FBN3: variants seen among roughly 807,000 people sequenced by gnomAD.
FBN3 encodes fibrillin-3.
A neutral mutation model predicts 330.1 loss-of-function variants in FBN3; 234 were observed. The ratio of observed to expected loss-of-function variants is 0.71; its 90% CI spans 0.64 to 0.79. The LOEUF (loss-of-function observed/expected upper bound fraction) is 0.79, where lower values mean the gene tolerates loss of function less well. Among genes scored for constraint, FBN3 ranks in the 30% least tolerant of loss-of-function variants. FBN3 has a pLI of 0.00. For synonymous variants in FBN3, 1,458 were observed against 1,517.3 expected (o/e 0.96, Z 0.91); for missense variants, 3,606 against 3,886.9 (o/e 0.93, Z 1.92).
chr19:8,109,209 T>C lies in FBN3; in HGVS notation c.4618+18A>G, dbSNP rs1366062401. 6.2e-7 allele frequency: 1 copy of C among 1,612,258 alleles called. No individual in the cohort carries two copies. The highest frequency in any genetic ancestry group is 1.7e-5 in the Admixed American group (1 of 59,946). ...GGTGGCTTAGGTCACGGTGTTCAAC[T>C]GCCCCGCAGGGACTCACTGGTGTTG... On this transcript the variant is annotated intron_variant, in intron 36 of 63. Transcript: ENST00000600128. The surrounding 1 kb of genome is among the most constrained non-coding windows in gnomAD (Gnocchi z 5.2).
chr19:8,137,357 C>T (rs1463269261), intron 10 of FBN3, among the ~76,000 whole-genome samples: 3 of 149,968 alleles, frequency 2.0e-5, no homozygotes, highest in Middle Eastern at 3.2e-3. Flanking sequence ...TTAGATCCCT[C>T]CAACCTGGAG....
chr19:8,086,657 G>A lies in FBN3; in HGVS notation c.6755-332C>T, dbSNP rs142009632. ...TTTTTTTTGTATTTTTAGTAGAGAC[G>A]GGGTTTCGCCGTGTTGTCCACCCTG... On this transcript the variant is annotated intron_variant, in intron 54 of 63. Transcript: ENST00000600128. Among the ~76,000 whole-genome samples, 1,387 of 148,610 alleles carry A rather than the reference G, an allele frequency of 9.3e-3. 19 individuals carry two copies. Among genetic ancestry groups the A allele is most frequent in the African/African-American group, 0.032 (1,307 of 40,486 alleles).
In FBN3 at chr19:8,131,811, G is replaced by C; in HGVS notation, c.1733C>G (p.Thr578Arg). Residue 578 changes from threonine (T) to arginine (R), a missense_variant, in exon 15 of 64, where the codon ACG (threonine) becomes AGG (arginine). Coordinates refer to ENST00000600128, the MANE Select transcript of FBN3 (RefSeq NM_032447.5). The surrounding 1 kb of genome is among the most constrained non-coding windows in gnomAD (Gnocchi z 4.5). ...HYCMDIDECQTPGICVNGHCT... is the reference protein window; with the variant it reads ...HYCMDIDECQRPGICVNGHCT... ...GTGGCCGTTCACGCAGATGCCGGGC[G>C]TCTGGCACTCGTCAATGTCTGCAGA... is the stretch of plus-strand genomic sequence containing the variant. 1 of 1,598,470 alleles carries C rather than the reference G, an allele frequency of 6.3e-7. No individual in the cohort carries two copies. Among genetic ancestry groups the C allele is most frequent in the Admixed American group, 1.7e-5 (1 of 59,434 alleles).
chr19:8,129,124 G>A lies in FBN3; in HGVS notation c.2200C>T (p.Leu734=), dbSNP rs1054830299. 3.1e-6 allele frequency: 5 copies of A among 1,613,132 alleles called. No homozygotes were observed. The Admixed American group carries it at 6.7e-5, about 22-fold the overall frequency. ...TTCTGGCACCACCCGTTGTCACACA[G>A]GAGGCTGTTGAGGGCACACTCATCC... is the stretch of plus-strand genomic sequence containing the variant. ...DVDECALNSL[L]CDNGWCQNSP... Residue 734 remains leucine, a synonymous_variant, in exon 18 of 64, where the codon CTG becomes TTG. Coordinates refer to ENST00000600128, the MANE Select transcript of FBN3 (RefSeq NM_032447.5). The surrounding 1 kb of genome is among the most constrained non-coding windows in gnomAD (Gnocchi z 4.5).
rs2082904060 is a variant in FBN3, at chr19:8,123,511, G to C, written c.3035C>G (p.Ala1012Gly). 1 of 1,614,054 alleles carries C rather than the reference G, an allele frequency of 6.2e-7. No individual in the cohort carries two copies. The highest frequency in any genetic ancestry group is 1.1e-5 in the South Asian group (1 of 91,080). Residue 1012 changes from alanine to glycine, a missense_variant, in exon 24 of 64, where the codon GCC becomes GGC. Coordinates refer to ENST00000600128, the MANE Select transcript of FBN3 (RefSeq NM_032447.5). ...CRNTVGSFHC[A>G]CAGGFALDAQ... is the part of the protein sequence containing the mutation. The stretch of plus-strand genomic sequence containing the variant: ...ATCCAGGGCGAAGCCCCCCGCACAG[G>C]CGCAGTGGAAGCTGCCCACCGTGTT...
intron 41 of FBN3, among the ~76,000 whole-genome samples, chr19:8,098,798 G>A (rs1374305159): frequency 6.6e-6 from 1 of 152,062 alleles, no homozygotes; most frequent in East Asian, 1.9e-4. Flanking sequence ...AACAATATAA[G>A]TGTCCATCCA....
chr19:8,142,179 C>A (rs1478175306), intron 6 of FBN3, 42 bp from the exon 7 acceptor site: 2 of 1,528,964 alleles, frequency 1.3e-6, no homozygotes, highest in East Asian at 2.4e-5. Flanking sequence ...GAGGGCTGCC[C>A]CTGTCTGGAG....
At chr19:8,086,468 A>ATTTTTT (rs373108511) in intron 54 of FBN3, 143 bp from the exon 55 acceptor site, 9 of 280,178 alleles carry the variant, frequency 3.2e-5, no homozygotes, top group Non-Finnish European at 5.5e-5. Flanking sequence ...TATTATTATT[A>ATTTTTT]TTTTTTGAGA....
chr19:8,093,832 C>A (rs1169484915), intron 47 of FBN3, among the ~76,000 whole-genome samples: 1 of 152,124 alleles, frequency 6.6e-6, no homozygotes, highest in Non-Finnish European at 1.5e-5. Flanking sequence ...AGAGCCCAGG[C>A]CAGACTGGTC....
At position 8,117,161 on chromosome 19, in the gene FBN3, C is replaced by T. The variant is rs759161201; in HGVS notation, c.3586+8G>A. On this transcript the variant is annotated splice_region_variant and intron_variant, in intron 28 of 63. Coordinates refer to ENST00000600128, the MANE Select transcript of FBN3 (RefSeq NM_032447.5). Reference sequence around the variant, plus strand: ...ACCAGGCAGTGGGAAGAAGTTGTGCCCACCTACCTGCACATGCCCTTCCGT... The same window carrying T: ...ACCAGGCAGTGGGAAGAAGTTGTGCTCACCTACCTGCACATGCCCTTCCGT... The T allele has an allele frequency of 2.7e-5, 44 of 1,613,830 alleles. No homozygotes were observed. In the South Asian group the frequency reaches 4.7e-4, roughly 17 times the overall value.
Position 8,109,566 on chromosome 19 carries a change from G to A in FBN3, c.4456+65C>T. ...ACACGTTGACATCTGAGTTAACCCA[G>A]TGGGGCAATCCCACCCACCTCTGCT... On this transcript the variant is annotated intron_variant, in intron 35 of 63. Transcript: ENST00000600128. The surrounding 1 kb of genome is among the most constrained non-coding windows in gnomAD (Gnocchi z 5.2). 1 of 1,553,662 alleles carries A rather than the reference G, an allele frequency of 6.4e-7. No individual in the cohort carries two copies. The highest frequency in any genetic ancestry group is 8.7e-7 in the Non-Finnish European group (1 of 1,147,224).
Position 8,121,194 on chromosome 19 carries a change from T to C in FBN3, c.3211+64A>G. ...CACACAGCAACAGCCGTCCCCACCC[T>C]CCCTCTCCTCAATGCCCTCCCTGCC... On this transcript the variant is annotated intron_variant, in intron 25 of 63. Transcript: ENST00000600128. This position sits in a 1 kb window ranked among gnomAD's most constrained non-coding sequence, Gnocchi z 4.5. 2 of 878,332 alleles carry C rather than the reference T, an allele frequency of 2.3e-6. No homozygotes were observed. The highest frequency in any genetic ancestry group is 3.4e-6 in the Non-Finnish European group (2 of 587,620). The allele number at this position is 878,332 out of a possible 1,614,324, so 54.4% of individuals were successfully genotyped here.
In FBN3 at chr19:8,074,037, T is replaced by C. The variant is rs76243380; in HGVS notation, c.7703-740A>G. Among the ~76,000 whole-genome samples, 324 of 152,308 alleles carry C rather than the reference T, an allele frequency of 2.1e-3. 1 individual carries two copies. Among genetic ancestry groups the C allele is most frequent in the African/African-American group, 7.5e-3 (310 of 41,572 alleles). ...ACTATGGGGGTAAAATGGTCCTCTG[T>C]TGAGAACCTAGTTAGGGGTCTAATT... is the stretch of plus-strand genomic sequence containing the variant. On this transcript the variant is annotated intron_variant, in intron 61 of 63. Coordinates refer to ENST00000600128, the MANE Select transcript of FBN3 (RefSeq NM_032447.5).
chr19:8,107,781 T>C (rs1376310265), intron 37 of FBN3, among the ~76,000 whole-genome samples: 1 of 149,638 alleles, frequency 6.7e-6, no homozygotes, highest in Non-Finnish European at 1.5e-5. Flanking sequence ...TGTATGGATG[T>C]ACTGGATGGA....
intron 37 of FBN3, 30 bp downstream of exon 37, chr19:8,108,140 A>AGATGGATG: frequency 6.2e-7 from 1 of 1,600,858 alleles, no homozygotes; most frequent in Non-Finnish European, 8.5e-7. Context: ...CTAGGCAGAC[A>AGATGGATG]GATGGATGGA....
At chr19:8,102,918 A>C in intron 39 of FBN3, 45 bp from the exon 40 acceptor site, 1 of 1,597,516 alleles carries the variant, frequency 6.3e-7, no homozygotes. Context: ...GGGTCACCTA[A>C]ATCAGTGGAA....
At position 8,132,987 on chromosome 19, in the gene FBN3, T is replaced by C. The variant is rs756966949; in HGVS notation, c.1711A>G (p.Met571Val). 2.6e-6 allele frequency: 4 copies of C among 1,557,306 alleles called. No individual in the cohort carries two copies. Among genetic ancestry groups the C allele is most frequent in the Non-Finnish European group, 3.5e-6 (4 of 1,154,864 alleles). The change falls in exon 14 of 64, where the codon ATG becomes GTG. Residue 571 changes from methionine (M) to valine (V), a missense_variant. Coordinates refer to ENST00000600128, the MANE Select transcript of FBN3 (RefSeq NM_032447.5). The stretch of plus-strand genomic sequence containing the variant: ...GCCAGTCTGGCTCCAGGCTCACCCA[T>C]GCAGTAGTGGCCGCCAGGCGCCAGC... ...FLLAPGGHYC[M>V]DIDECQTPGI...
intron 40 of FBN3, among the ~76,000 whole-genome samples, chr19:8,101,966 C>A (rs1294764293): frequency 2.0e-5 from 3 of 152,248 alleles, no homozygotes; most frequent in Non-Finnish European, 4.4e-5. Context: ...CATATCCCCA[C>A]ATGTCACGGG....
chr19:8,131,951 C>A lies in FBN3; in HGVS notation c.1715-122G>T. On this transcript the variant is annotated intron_variant, in intron 14 of 63. Coordinates refer to ENST00000600128, the MANE Select transcript of FBN3 (RefSeq NM_032447.5). The surrounding 1 kb of genome is among the most constrained non-coding windows in gnomAD (Gnocchi z 4.5). ...ATTTCTTTCCTTTCCAGTTTCTTGT[C>A]TTTCCAGTTTCCTGTTGTCTGTGTC... is the stretch of plus-strand genomic sequence containing the variant. 1 of 1,195,334 alleles carries A rather than the reference C, an allele frequency of 8.4e-7. No homozygotes were observed. Among genetic ancestry groups the A allele is most frequent in the Non-Finnish European group, 1.1e-6 (1 of 893,280 alleles). The allele number at this position is 1,195,334 out of a possible 1,614,324, so 74.0% of individuals were successfully genotyped here. A position where few individuals can be genotyped will look rare whatever the true frequency, so the allele number is the denominator to read the frequency against.
Sources: allele counts gnomAD v4.1 joint callset (sites outside exome capture counted in the v4.1 genomes callset), GRCh38; gene constraint gnomAD v4.1.1; non-coding constraint Gnocchi (gnomAD v3.1); transcripts MANE v1.5; gene names NCBI Gene and HGNC (gene_info 2026-07-23, HGNC 2026-07-21).